Variants in DNM3 observed in about 807,000 individuals in gnomAD.
DNM3 encodes the protein dynamin-3.
DNM3 carries 47 observed loss-of-function variants against 101.6 expected under a neutral mutation model. The ratio of observed to expected loss-of-function variants is 0.46; its 90% CI spans 0.37 to 0.59. The LOEUF (loss-of-function observed/expected upper bound fraction) is 0.59. Ranked by LOEUF, DNM3 falls within the 20% of genes least tolerant of loss-of-function variation. DNM3 has a pLI of 0.00. For missense variants in DNM3, 849 were observed against 1,085.7 expected (o/e 0.78, Z 3.06); for synonymous variants, 385 against 387.9 (o/e 0.99, Z 0.09).
Position 171,989,167 on chromosome 1 carries a change from AG to A in DNM3, c.589+20del, listed in dbSNP as rs1216826478. On this transcript the variant is annotated intron_variant, in intron 4 of 20. Transcript: ENST00000627582. ...CCTCAAGGTGAGTGTGTGACTACTA[AG>A]ATGAGAAGGAATTAAAGTGTCAGGA... 2.5e-6 allele frequency: 4 copies of A among 1,606,398 alleles called. No individual in the cohort carries two copies. In the African/African-American group the frequency reaches 4.0e-5, roughly 16 times the overall value.
intron 2 of DNM3, among the ~76,000 whole-genome samples, chr1:171,970,604 A>G (rs1022572488): frequency 1.1e-4 from 16 of 143,572 alleles, no homozygotes; most frequent in African/African-American, 3.9e-4. Context: ...TTTTAGGATG[A>G]GTATGAATTT....
intron 14 of DNM3, among the ~76,000 whole-genome samples, chr1:172,243,473 G>C (rs1394630240): frequency 1.3e-5 from 2 of 152,192 alleles, no homozygotes; most frequent in Non-Finnish European, 2.9e-5. Context: ...GGACTCTGAA[G>C]AGGAGGTAGG....
chr1:171,970,799 A>G (rs1220868899), intron 2 of DNM3, among the ~76,000 whole-genome samples: 4 of 146,112 alleles, frequency 2.7e-5, no homozygotes, highest in African/African-American at 9.8e-5. Flanking sequence ...ATGGGTCTCA[A>G]TTGGATTTTT....
chr1:172,007,924 TGTTTTTC>T (rs2046805251), intron 4 of DNM3, among the ~76,000 whole-genome samples: 1 of 152,068 alleles, frequency 6.6e-6, no homozygotes, highest in Non-Finnish European at 1.5e-5. Context: ...AGCTTCAATG[TGTTTTTC>T]ATTTGCATTT....
At chr1:172,028,687 G>A (rs984950424) in intron 4 of DNM3, among the ~76,000 whole-genome samples, 1 of 152,102 alleles carries the variant, frequency 6.6e-6, no homozygotes, top group African/African-American at 2.4e-5. Flanking sequence ...GAAGAAAAGA[G>A]AGAAGAATCA....
chr1:172,389,057 C>A, intron 20 of DNM3: 1 of 520,128 alleles, frequency 1.9e-6, no homozygotes. Context: ...CACTCCGTCC[C>A]AATGAATGAC....
At chr1:171,885,146 C>T (rs527867483) in intron 1 of DNM3, among the ~76,000 whole-genome samples, 1 of 152,062 alleles carries the variant, frequency 6.6e-6, no homozygotes, top group Admixed American at 6.6e-5. Context: ...AGATGCTGAG[C>T]TTTAAGGGAG....
chr1:172,000,208 TAGAG>T (rs2046275634), intron 4 of DNM3, among the ~76,000 whole-genome samples: 1 of 151,908 alleles, frequency 6.6e-6, no homozygotes, highest in Non-Finnish European at 1.5e-5. Flanking sequence ...GAAGAAGCGG[TAGAG>T]AATCAAGTGA....
intron 14 of DNM3, among the ~76,000 whole-genome samples, chr1:172,152,729 C>G (rs2058183989): frequency 6.6e-6 from 1 of 152,064 alleles, no homozygotes; most frequent in East Asian, 1.9e-4. Flanking sequence ...GCTACCATTC[C>G]CACGGTATGT....
In DNM3 at chr1:172,017,326, T is replaced by C. The variant is rs543937998; in HGVS notation, c.590-15076T>C. Among the ~76,000 whole-genome samples the C allele has an allele frequency of 9.1e-4, 139 of 152,276 alleles. 1 individual carries two copies. Among genetic ancestry groups the C allele is most frequent in the African/African-American group, 3.0e-3 (123 of 41,596 alleles). ...ATTTTAGATGTTTCTTTTTTTCTAA[T>C]ATCTTATTCAATATTATACACTTCC... is the stretch of plus-strand genomic sequence containing the variant. On this transcript the variant is annotated intron_variant, in intron 4 of 20. Coordinates refer to ENST00000627582, the MANE Select transcript of DNM3 (RefSeq NM_015569.5).
intron 14 of DNM3, among the ~76,000 whole-genome samples, chr1:172,203,357 T>G (rs965304118): frequency 6.6e-6 from 1 of 152,184 alleles, no homozygotes; most frequent in African/African-American, 2.4e-5. Context: ...TTTGGTCAGA[T>G]AAACCGAAGC....
chr1:171,854,248 G>C (rs1309967552), intron 1 of DNM3, among the ~76,000 whole-genome samples: 1 of 152,138 alleles, frequency 6.6e-6, no homozygotes, highest in East Asian at 1.9e-4. Context: ...TTCTGTGATC[G>C]AAGGCAATCA....
chr1:172,352,704 T>G (rs2067252341), intron 17 of DNM3, among the ~76,000 whole-genome samples: 1 of 152,116 alleles, frequency 6.6e-6, no homozygotes, highest in African/African-American at 2.4e-5. Context: ...TTGTTACCTC[T>G]TTCCTTTGGT....
intron 14 of DNM3, chr1:172,133,403 T>C: frequency 1.0e-6 from 1 of 987,308 alleles, no homozygotes; most frequent in Non-Finnish European, 1.2e-6. Flanking sequence ...CCAAGTGCCA[T>C]GAATACTCCC....
intron 2 of DNM3, among the ~76,000 whole-genome samples, chr1:171,922,100 C>A (rs2040216981): frequency 6.6e-6 from 1 of 151,004 alleles, no homozygotes; most frequent in African/African-American, 2.4e-5. Flanking sequence ...ACAGCACAAC[C>A]ACTAATACTC....
At chr1:171,858,009 C>T (rs1019697606) in intron 1 of DNM3, among the ~76,000 whole-genome samples, 3 of 152,142 alleles carry the variant, frequency 2.0e-5, no homozygotes, top group Admixed American at 6.5e-5. Context: ...CACACCAGAA[C>T]CTGAACCAGC....
chr1:172,225,663 G>T (rs2061089071), intron 14 of DNM3, among the ~76,000 whole-genome samples: 1 of 151,696 alleles, frequency 6.6e-6, no homozygotes, highest in Non-Finnish European at 1.5e-5. Context: ...GTTGACCATG[G>T]TAACATCTTG....
chr1:172,231,104 C>G (rs2061319667), intron 14 of DNM3, among the ~76,000 whole-genome samples: 1 of 151,288 alleles, frequency 6.6e-6, no homozygotes, highest in African/African-American at 2.4e-5. Context: ...ACTCTGAACT[C>G]CAAACTTGGA....
chr1:171,953,988 A>T (rs951712985), intron 2 of DNM3, among the ~76,000 whole-genome samples: 2 of 152,168 alleles, frequency 1.3e-5, no homozygotes, highest in Admixed American at 6.5e-5. Flanking sequence ...TTAAAGCATG[A>T]CATCCAATAC....
Sources: allele counts gnomAD v4.1 joint callset (sites outside exome capture counted in the v4.1 genomes callset), GRCh38; gene constraint gnomAD v4.1.1; transcripts MANE v1.5; gene names NCBI Gene and HGNC (gene_info 2026-07-23, HGNC 2026-07-21).